The following PRKCB variants were observed in gnomAD, a reference collection of about 807,000 sequenced individuals.
The protein encoded by PRKCB is protein kinase C beta.
A neutral mutation model predicts 81.5 loss-of-function variants in PRKCB; 13 were observed. That is an observed-to-expected ratio of 0.16 (90% CI 0.10 to 0.25). The LOEUF (loss-of-function observed/expected upper bound fraction) is 0.25, where lower values mean the gene tolerates loss of function less well. Among genes scored for constraint, PRKCB ranks in the 10% least tolerant of loss-of-function variants. PRKCB has a pLI of 1.00. For synonymous variants in PRKCB, 335 were observed against 321.4 expected (o/e 1.04, Z -0.45); for missense variants, 509 against 875.7 (o/e 0.58, Z 5.29).
Position 24,216,412 on chromosome 16 carries a change from A to G in PRKCB, c.*1596A>G. Reference sequence around the variant, plus strand: ...AGAAATTTCATTTCTGTCTGAGAGGATTAAGGCAGCAGGTGACTCCCCCTC... The same window carrying G: ...AGAAATTTCATTTCTGTCTGAGAGGGTTAAGGCAGCAGGTGACTCCCCCTC... On this transcript the variant is annotated 3_prime_UTR_variant, in exon 17 of 17. Coordinates refer to ENST00000643927, the MANE Select transcript of PRKCB (RefSeq NM_002738.7). 2 of 985,402 alleles carry G rather than the reference A, an allele frequency of 2.0e-6. No individual in the cohort carries two copies. Among genetic ancestry groups the G allele is most frequent in the Non-Finnish European group, 2.4e-6 (2 of 829,934 alleles). The allele number at this position is 985,402 out of a possible 1,614,324, so 61.0% of individuals were successfully genotyped here. A position where few individuals can be genotyped will look rare whatever the true frequency, so the allele number is the denominator to read the frequency against.
intron 2 of PRKCB, among the ~76,000 whole-genome samples, chr16:23,848,474 G>C (rs1425062833): frequency 6.6e-6 from 1 of 152,156 alleles, no homozygotes. Context: ...ATTGTTGATT[G>C]TTCTATTTTG....
rs143477046 is a variant in PRKCB at position 23,875,895 on chromosome 16, G to T, written c.205+38489G>T. ...ATTAGGTATCTTTTGAAAAAGTGTC[G>T]TAACTGACAGCCCAAGTCTGCATTC... On this transcript the variant is annotated intron_variant, in intron 2 of 16. Transcript: ENST00000643927. Among the ~76,000 whole-genome samples the T allele has an allele frequency of 5.3e-5, 8 of 152,034 alleles. 1 individual carries two copies. Among genetic ancestry groups the T allele is most frequent in the Non-Finnish European group, 1.0e-4 (7 of 68,008 alleles).
In PRKCB at chr16:23,836,053, G is replaced by T. The variant is rs1375797409; in HGVS notation, c.-123G>T. ...GCCGCGGCCGCCAGAGCCGGCGCAG[G>T]GGAAGCGCCCGCGGCCCCGGGTGCA... On this transcript the variant is annotated 5_prime_UTR_variant, in exon 1 of 17. Coordinates refer to ENST00000643927, the MANE Select transcript of PRKCB (RefSeq NM_002738.7). The T allele has an allele frequency of 1.5e-6, 1 of 676,678 alleles. No homozygotes were observed. Among genetic ancestry groups the T allele is most frequent in the Non-Finnish European group, 1.8e-6 (1 of 549,526 alleles). The allele number at this position is 676,678 out of a possible 1,614,324, so 41.9% of individuals were successfully genotyped here.
In PRKCB at chr16:24,216,336, T is replaced by C. The variant is rs1404729630; in HGVS notation, c.*1520T>C. 1.0e-5 allele frequency: 10 copies of C among 985,330 alleles called. No homozygotes were observed. The highest frequency in any genetic ancestry group is 1.2e-5 in the Non-Finnish European group (10 of 829,946). 61.0% of individuals were successfully genotyped at this position (985,330 alleles called of 1,614,324 possible). On this transcript the variant is annotated 3_prime_UTR_variant, in exon 17 of 17. Coordinates refer to ENST00000643927, the MANE Select transcript of PRKCB (RefSeq NM_002738.7). ...CCCAGCTTGGACTAAATATTCTTTC[T>C]AGCAAGCAGCTTTGTGAGCTCCCTG...
At chr16:23,997,680 A>AT (rs1035449590) in intron 3 of PRKCB, among the ~76,000 whole-genome samples, 1 of 152,138 alleles carries the variant, frequency 6.6e-6, no homozygotes, top group Non-Finnish European at 1.5e-5. Context: ...TTATATCAGT[A>AT]TTTTTATGTC....
At chr16:24,156,648 A>G (rs1967164325) in intron 10 of PRKCB, among the ~76,000 whole-genome samples, 1 of 152,182 alleles carries the variant, frequency 6.6e-6, no homozygotes, top group African/African-American at 2.4e-5. Context: ...AGTGAATGAT[A>G]ATTTACATCA....
intron 2 of PRKCB, among the ~76,000 whole-genome samples, chr16:23,841,882 C>A (rs1416535359): frequency 6.6e-6 from 1 of 151,986 alleles, no homozygotes; most frequent in Non-Finnish European, 1.5e-5. Context: ...TCTCGAACTC[C>A]TGACCTCAGG....
At chr16:23,978,381 A>C (rs1964651900) in intron 2 of PRKCB, among the ~76,000 whole-genome samples, 1 of 152,126 alleles carries the variant, frequency 6.6e-6, no homozygotes, top group Non-Finnish European at 1.5e-5. Context: ...CCCTGTGTTA[A>C]GGTAGGTAGG....
intron 3 of PRKCB, among the ~76,000 whole-genome samples, chr16:23,993,287 G>C (rs1167539210): frequency 6.6e-6 from 1 of 152,220 alleles, no homozygotes; most frequent in African/African-American, 2.4e-5. Context: ...TTTATTGATA[G>C]AAGTTCACTA....
Position 24,007,756 on chromosome 16 carries a change from C to T in PRKCB, c.288+19166C>T, listed in dbSNP as rs184557771. ...TAGTTGGGAGGCAGGACCAGCCTCA[C>T]AATTTCCCAGAAGACCGTAATTTCT... On this transcript the variant is annotated intron_variant, in intron 3 of 16. Coordinates refer to ENST00000643927, the MANE Select transcript of PRKCB (RefSeq NM_002738.7). 9.8e-5 allele frequency among the ~76,000 whole-genome samples: 15 copies of T among 152,304 alleles called. No individual in the cohort carries two copies. The East Asian group carries it at 2.9e-3, about 29-fold the overall frequency.
intron 12 of PRKCB, among the ~76,000 whole-genome samples, chr16:24,177,519 C>T (rs891319965): frequency 6.6e-6 from 1 of 152,176 alleles, no homozygotes; most frequent in African/African-American, 2.4e-5. Context: ...TCACAGCCCA[C>T]CTGTAGCCAG....
Position 24,144,837 on chromosome 16 carries a change from C to T in PRKCB, c.1066-9847C>T, listed in dbSNP as rs191671940. Reference sequence around the variant, plus strand: ...GAAATCCTTTCATTCATTGATTCAACGGATATGTATTGAGTGTCAACTGTG... The same window carrying T: ...GAAATCCTTTCATTCATTGATTCAATGGATATGTATTGAGTGTCAACTGTG... On this transcript the variant is annotated intron_variant, in intron 9 of 16. Transcript: ENST00000643927. Among the ~76,000 whole-genome samples, 21 of 152,296 alleles carry T rather than the reference C, an allele frequency of 1.4e-4. 2 individuals carry two copies. Among genetic ancestry groups the T allele is most frequent in the South Asian group, 4.1e-4 (2 of 4,822 alleles).
rs192495668 is a variant in PRKCB, at chr16:23,911,201, T to C, written c.205+73795T>C. Reference sequence around the variant, plus strand: ...AGCGCAGTGGCACAATCACAGCTCATTGCAGCCTTGAACTCCCAGGCTCAA... The same window carrying C: ...AGCGCAGTGGCACAATCACAGCTCACTGCAGCCTTGAACTCCCAGGCTCAA... On this transcript the variant is annotated intron_variant, in intron 2 of 16. Coordinates refer to ENST00000643927, the MANE Select transcript of PRKCB (RefSeq NM_002738.7). Among the ~76,000 whole-genome samples the C allele has an allele frequency of 1.0e-3, 128 of 127,042 alleles. 1 individual carries two copies. Among genetic ancestry groups the C allele is most frequent in the African/African-American group, 3.1e-3 (104 of 33,348 alleles). 83.3% of individuals were successfully genotyped at this position (127,042 alleles called of 152,430 possible). A position where few individuals can be genotyped will look rare whatever the true frequency, so the allele number is the denominator to read the frequency against.
chr16:24,072,214 G>A (rs1459983610), intron 5 of PRKCB, among the ~76,000 whole-genome samples: 1 of 152,056 alleles, frequency 6.6e-6, no homozygotes, highest in Non-Finnish European at 1.5e-5. Flanking sequence ...TACTGATTAA[G>A]CAGTGACTAC....
intron 2 of PRKCB, among the ~76,000 whole-genome samples, chr16:23,904,300 A>G (rs976884613): frequency 8.5e-5 from 13 of 152,190 alleles, no homozygotes; most frequent in African/African-American, 3.1e-4. Flanking sequence ...ACATAGGTGC[A>G]AGAGGGGTGA....
chr16:24,185,428 T>A, intron 14 of PRKCB, 32 bp from the exon 15 acceptor site: 1 of 1,587,938 alleles, frequency 6.3e-7, no homozygotes. Flanking sequence ...CAAGCAGGGA[T>A]TCTTCTCCTC....
intron 2 of PRKCB, among the ~76,000 whole-genome samples, chr16:23,879,156 C>T (rs28508212): frequency 2.7e-4 from 41 of 150,902 alleles, no homozygotes; most frequent in African/African-American, 8.5e-4. Flanking sequence ...CCAGCCTGGG[C>T]GACAGAATGA....
chr16:24,007,595 T>C (rs1965142798), intron 3 of PRKCB, among the ~76,000 whole-genome samples: 1 of 152,180 alleles, frequency 6.6e-6, no homozygotes, highest in African/African-American at 2.4e-5. Flanking sequence ...GACACAGAGC[T>C]GCATGCTGTG....
At chr16:24,144,261 T>A (rs1461896998) in intron 9 of PRKCB, among the ~76,000 whole-genome samples, 1 of 152,100 alleles carries the variant, frequency 6.6e-6, no homozygotes, top group South Asian at 2.1e-4. Context: ...AAAGTATATA[T>A]GCATACATGT....
Sources: allele counts gnomAD v4.1 joint callset (sites outside exome capture counted in the v4.1 genomes callset), GRCh38; gene constraint gnomAD v4.1.1; transcripts MANE v1.5; gene names NCBI Gene and HGNC (gene_info 2026-07-23, HGNC 2026-07-21).